Variants in GABRA3 observed in about 807,000 individuals in gnomAD.
GABRA3 encodes the protein gamma-aminobutyric acid receptor subunit alpha-3.
A neutral mutation model predicts 30.1 loss-of-function variants in GABRA3; 10 were observed. The observed-to-expected ratio is 0.33, with a 90% CI of 0.20 to 0.56. The LOEUF (loss-of-function observed/expected upper bound fraction) is 0.56, where lower values mean the gene tolerates loss of function less well. GABRA3 is among the 20% of genes least tolerant of loss of function. The pLI, the probability that GABRA3 is intolerant of heterozygous loss-of-function variation, is 0.89. For missense variants in GABRA3, 233 were observed against 392.0 expected, an observed-to-expected ratio of 0.59 and a Z score of 3.42; for synonymous variants, 151 against 146.8, an observed-to-expected ratio of 1.03 and a Z score of -0.21.
At chrX:152,186,599 A>ATCTCTCTCTCTC (rs765821292) in intron 9 of GABRA3, among the ~76,000 whole-genome samples, 65 of 96,342 alleles carry the variant, frequency 6.7e-4, no homozygotes, top group African/African-American at 2.5e-3. Context: ...TCCTTCCTTT[A>ATCTCTCTCTCTC]TCTCTCTCTC....
Position 152,225,432 on chromosome X carries a change from G to GCGCA in GABRA3, c.552-588_552-587insTGCG, listed in dbSNP as rs35196156. 8.3e-4 allele frequency among the ~76,000 whole-genome samples: 80 copies of GCGCA among 96,513 alleles called. 1 individual carries two copies. The highest frequency in any genetic ancestry group is 1.6e-3 in the African/African-American group (43 of 26,476). 83.8% of individuals were successfully genotyped at this position (96,513 alleles called of 115,157 possible). On this transcript the variant is annotated intron_variant, in intron 5 of 9. Coordinates refer to ENST00000370314, the MANE Select transcript of GABRA3 (RefSeq NM_000808.4). ...CACACACACACGCACACACACACAC[G>GCGCA]CACACACACACACACACACACACAC...
At chrX:152,199,341 G>A (rs1425256487) in intron 7 of GABRA3, among the ~76,000 whole-genome samples, 1 of 104,710 alleles carries the variant, frequency 9.6e-6, no homozygotes, top group Non-Finnish European at 2.0e-5. Flanking sequence ...ACTCCAGCCT[G>A]GGCAACAGGC....
intron 9 of GABRA3, among the ~76,000 whole-genome samples, chrX:152,176,891 A>C (rs1191655960): frequency 1.8e-5 from 2 of 111,449 alleles, no homozygotes; most frequent in Non-Finnish European, 3.8e-5. Context: ...AAGAGATCAG[A>C]CTGCTGACTG....
intron 1 of GABRA3, among the ~76,000 whole-genome samples, chrX:152,443,295 C>T (rs1468760267): frequency 2.7e-5 from 3 of 111,809 alleles, no homozygotes; most frequent in Non-Finnish European, 5.7e-5. Context: ...CAGTAAGGTA[C>T]CATTTTGCCC....
chrX:152,290,982 A>G (rs971545226), intron 3 of GABRA3, among the ~76,000 whole-genome samples: 1 of 111,619 alleles, frequency 9.0e-6, no homozygotes, highest in South Asian at 3.8e-4. Context: ...GCTTAGGATT[A>G]TCTTGGCAAT....
chrX:152,383,981 A>G lies in GABRA3; in HGVS notation c.-26-19385T>C, dbSNP rs796573604. ...CCCTACAGACTCCACCACAAAAAAA[A>G]AAAAAAAAAGAAAAACCTATCCAAG... On this transcript the variant is annotated intron_variant, in intron 1 of 9. Transcript: ENST00000370314. Among the ~76,000 whole-genome samples the G allele has an allele frequency of 3.6e-4, 39 of 109,493 alleles. 1 individual carries two copies. In the South Asian group the frequency reaches 0.014, roughly 40 times the overall value.
chrX:152,325,115 G>A (rs1161180765), intron 3 of GABRA3, among the ~76,000 whole-genome samples: 1 of 111,347 alleles, frequency 9.0e-6, no homozygotes, highest in African/African-American at 3.3e-5. Flanking sequence ...GTAGATTACA[G>A]AGCAGCATTT....
intron 3 of GABRA3, among the ~76,000 whole-genome samples, chrX:152,317,050 TAA>T (rs769917223): frequency 2.2e-4 from 25 of 111,928 alleles, no homozygotes; most frequent in African/African-American, 8.1e-4. Flanking sequence ...ATGCTCCACT[TAA>T]AAGATACAGA....
rs1453406992 is a variant in GABRA3, at chrX:152,413,113, G to C, written c.-27+38033C>G. On this transcript the variant is annotated intron_variant, in intron 1 of 9. Transcript: ENST00000370314. Reference sequence around the variant, plus strand: ...ACAAAAAATTTTGAAAGCAGCATGAGAGAAGCAACTTATCACATGCAAATG... The same window carrying C: ...ACAAAAAATTTTGAAAGCAGCATGACAGAAGCAACTTATCACATGCAAATG... Among the ~76,000 whole-genome samples, 7 of 110,924 alleles carry C rather than the reference G, an allele frequency of 6.3e-5. No homozygotes were observed. In the East Asian group the frequency reaches 2.0e-3, roughly 31 times the overall value.
chrX:152,241,373 C>A (rs4437790), intron 5 of GABRA3, among the ~76,000 whole-genome samples: 29,419 of 91,422 alleles, frequency 0.32, 7,198 homozygotes, highest in Non-Finnish European at 0.54. Context: ...CTCAGATCTC[C>A]AGCTGCGTGC....
intron 5 of GABRA3, among the ~76,000 whole-genome samples, chrX:152,247,333 C>A (rs1455984762): frequency 9.0e-6 from 1 of 111,711 alleles, no homozygotes. Context: ...CAAAATCCCA[C>A]TGTGTCAATG....
intron 6 of GABRA3, among the ~76,000 whole-genome samples, chrX:152,217,777 T>C (rs1937756518): frequency 9.1e-6 from 1 of 110,426 alleles, no homozygotes; most frequent in African/African-American, 3.3e-5. Context: ...CTCATAGTAT[T>C]CCCATAAAAT....
intron 8 of GABRA3, among the ~76,000 whole-genome samples, chrX:152,195,729 T>C (rs1006482056): frequency 8.9e-6 from 1 of 111,762 alleles, no homozygotes. Context: ...CTTATAAGGA[T>C]ACTGTGATTG....
chrX:152,216,572 C>A (rs1454935948), intron 6 of GABRA3, among the ~76,000 whole-genome samples: 4 of 109,249 alleles, frequency 3.7e-5, no homozygotes, highest in African/African-American at 1.3e-4. Context: ...TTGTATCATT[C>A]ATATACATAA....
In GABRA3 at chrX:152,167,560, G is replaced by A. The variant is rs1936951841; in HGVS notation, c.*668C>T. On this transcript the variant is annotated 3_prime_UTR_variant, in exon 10 of 10. Coordinates refer to ENST00000370314, the MANE Select transcript of GABRA3 (RefSeq NM_000808.4). The stretch of plus-strand genomic sequence containing the variant: ...GTACCAAGGAGGGGACTATTTTCCC[G>A]AGGGGCTGGACATGGCAGGGCACCA... The A allele has an allele frequency of 8.9e-6, 1 of 111,755 alleles. No individual in the cohort carries two copies. The highest frequency in any genetic ancestry group is 1.9e-5 in the Non-Finnish European group (1 of 53,224). 9.2% of individuals were successfully genotyped at this position (111,755 alleles called of 1,213,427 possible).
intron 4 of GABRA3, among the ~76,000 whole-genome samples, chrX:152,271,671 C>T (rs954416461): frequency 8.9e-5 from 10 of 112,189 alleles, no homozygotes; most frequent in East Asian, 2.8e-4. Context: ...AAAATATTTC[C>T]GGGGCATATC....
intron 2 of GABRA3, among the ~76,000 whole-genome samples, chrX:152,359,037 C>G (rs1396873589): frequency 9.0e-6 from 1 of 110,961 alleles, no homozygotes; most frequent in Non-Finnish European, 1.9e-5. Context: ...TTGTTGTGTA[C>G]CAGGTTTTGG....
At chrX:152,319,658 T>C (rs938251309) in intron 3 of GABRA3, among the ~76,000 whole-genome samples, 2 of 111,512 alleles carry the variant, frequency 1.8e-5, no homozygotes, top group Non-Finnish European at 3.8e-5. Flanking sequence ...ACCTCAGACA[T>C]TGGCTTAGGC....
At chrX:152,322,556 G>A (rs1939981400) in intron 3 of GABRA3, among the ~76,000 whole-genome samples, 1 of 103,094 alleles carries the variant, frequency 9.7e-6, no homozygotes, top group African/African-American at 3.6e-5. Context: ...TTTTTGAGAT[G>A]GAGTTTTGCT....
Sources: gnomAD v4.1 joint callset for allele counts (sites outside exome capture counted in the v4.1 genomes callset) on GRCh38, gnomAD v4.1.1 for gene constraint, MANE v1.5 for transcripts, NCBI Gene and HGNC (gene_info 2026-07-23, HGNC 2026-07-21) for gene names.